The following AGMO variants were observed in gnomAD, a reference collection of about 807,000 sequenced individuals.
AGMO encodes alkylglycerol monooxygenase.
Under a neutral mutation model 60.2 loss-of-function variants are expected in AGMO, and 75 were observed. The observed-to-expected ratio is 1.25, with a 90% CI of 1.03 to 1.51. The LOEUF (loss-of-function observed/expected upper bound fraction) is 1.51. Ranked by LOEUF, AGMO falls within the 40% of genes most tolerant of loss-of-function variation. The pLI is 0.00. For synonymous variants in AGMO, 261 were observed against 177.1 expected, an observed-to-expected ratio of 1.47 and a Z score of -3.76; for missense variants, 763 against 525.5, an observed-to-expected ratio of 1.45 and a Z score of -4.42.
rs371017324 is a variant in AGMO, at chr7:15,394,516, A to G, written c.610-337T>C. Among the ~76,000 whole-genome samples, 48 of 152,330 alleles carry G rather than the reference A, an allele frequency of 3.2e-4. No homozygotes were observed. In the East Asian group the frequency reaches 6.9e-3, roughly 22 times the overall value. On this transcript the variant is annotated intron_variant, in intron 5 of 12. Transcript: ENST00000342526. ...CAATTTTCTCATCTTTAAAATGGAA[A>G]TAGTAACATATCTACATAATAACGT...
intron 3 of AGMO, among the ~76,000 whole-genome samples, chr7:15,480,379 G>C (rs1220551520): frequency 6.6e-6 from 1 of 152,128 alleles, no homozygotes; most frequent in African/African-American, 2.4e-5. Context: ...TGCAATGAAG[G>C]AGTAAAAATG....
intron 12 of AGMO, among the ~76,000 whole-genome samples, chr7:15,299,861 A>G (rs1192547068): frequency 6.6e-6 from 1 of 150,926 alleles, no homozygotes; most frequent in Non-Finnish European, 1.5e-5. Flanking sequence ...ACACACACAC[A>G]CACACACACA....
At chr7:15,492,970 T>A (rs1435431671) in intron 3 of AGMO, among the ~76,000 whole-genome samples, 1 of 152,152 alleles carries the variant, frequency 6.6e-6, no homozygotes, top group Non-Finnish European at 1.5e-5. Context: ...ACATTCAGAA[T>A]GTTTTACAGG....
chr7:15,459,627 G>GTGTGT (rs1426280458), intron 3 of AGMO, among the ~76,000 whole-genome samples: 9 of 150,202 alleles, frequency 6.0e-5, no homozygotes, highest in Non-Finnish European at 1.0e-4. Context: ...GTGTGTGTAT[G>GTGTGT]GTTGTCAGTC....
chr7:15,415,564 C>A lies in AGMO; in HGVS notation c.609+2994G>T, dbSNP rs183211196. Reference sequence around the variant, plus strand: ...CAAAGAAAAAAAAATATCATTGAATCATTCGGTTCAAATCTTCAATATCAA... The same window carrying A: ...CAAAGAAAAAAAAATATCATTGAATAATTCGGTTCAAATCTTCAATATCAA... On this transcript the variant is annotated intron_variant, in intron 5 of 12. Coordinates refer to ENST00000342526, the MANE Select transcript of AGMO (RefSeq NM_001004320.2). 2.2e-4 allele frequency among the ~76,000 whole-genome samples: 33 copies of A among 151,980 alleles called. No homozygotes were observed. The East Asian group carries it at 5.7e-3, about 26-fold the overall frequency.
Position 15,387,476 on chromosome 7 carries a change from G to T in AGMO, c.887C>A (p.Ser296Tyr). 1 of 1,614,026 alleles carries T rather than the reference G, an allele frequency of 6.2e-7. No individual in the cohort carries two copies. The highest frequency in any genetic ancestry group is 1.3e-5 in the African/African-American group (1 of 75,022). The change falls in exon 9 of 13, where the codon TCT becomes TAT. Residue 296 changes from serine (S) to tyrosine (Y), a missense_variant. Coordinates refer to ENST00000342526, the MANE Select transcript of AGMO (RefSeq NM_001004320.2). The stretch of plus-strand genomic sequence containing the variant: ...CCATCCCGGTCCCTTAAATATGACA[G>T]AAAACTTATTGAAGAATCCAGGTGT... ...WATPGFFNKF[S>Y]VIFKGPGWGP...
chr7:15,159,330 G>A, the AGMO span, among the ~76,000 whole-genome samples: 4 of 152,144 alleles, frequency 2.6e-5, no homozygotes, highest in Admixed American at 2.6e-4. Flanking sequence ...GTTTTAGTCG[G>A]ATAAAAATCT....
chr7:15,396,053 G>C (rs1289322983), intron 5 of AGMO: 1 of 152,214 alleles, frequency 6.6e-6, no homozygotes, highest in African/African-American at 2.4e-5. Context: ...CACCTGAAAA[G>C]AGTTCTTGTC....
chr7:15,286,252 C>A (rs1784094031), intron 12 of AGMO, among the ~76,000 whole-genome samples: 1 of 152,010 alleles, frequency 6.6e-6, no homozygotes, highest in African/African-American at 2.4e-5. Context: ...AGCTTCTGCA[C>A]AGCAAAAGAA....
intron 3 of AGMO, among the ~76,000 whole-genome samples, chr7:15,439,307 T>G (rs1030829449): frequency 9.9e-5 from 15 of 152,206 alleles, no homozygotes; most frequent in South Asian, 4.1e-4. Context: ...TGAGGCAGGA[T>G]AATCGCTTGG....
At chr7:15,334,272 A>G (rs1026298148) in intron 12 of AGMO, among the ~76,000 whole-genome samples, 14 of 150,738 alleles carry the variant, frequency 9.3e-5, no homozygotes, top group African/African-American at 2.5e-4. Context: ...TTTTAACAAC[A>G]TAAAATTATC....
intron 3 of AGMO, among the ~76,000 whole-genome samples, chr7:15,436,340 G>A (rs993421150): frequency 4.6e-5 from 7 of 152,048 alleles, no homozygotes; most frequent in African/African-American, 1.4e-4. Context: ...TCTGTGCTTC[G>A]AAGATGGCAT....
chr7:15,199,942 C>T (rs1403594127), downstream of AGMO, among the ~76,000 whole-genome samples: 1 of 152,150 alleles, frequency 6.6e-6, no homozygotes, highest in African/African-American at 2.4e-5. Context: ...CCTCAGTTCA[C>T]ATAGACACCT....
chr7:15,322,307 C>T (rs1446465584), intron 12 of AGMO, among the ~76,000 whole-genome samples: 1 of 146,828 alleles, frequency 6.8e-6, no homozygotes, highest in African/African-American at 2.5e-5. Flanking sequence ...ACTAAGTAAA[C>T]TTTATAGAAA....
intron 3 of AGMO, among the ~76,000 whole-genome samples, chr7:15,501,293 A>G (rs2128525346): frequency 6.6e-6 from 1 of 152,092 alleles, no homozygotes. Context: ...GGCAATTAAA[A>G]AGTAAAATTT....
At chr7:15,197,500 C>G (rs2115458967), downstream of AGMO, among the ~76,000 whole-genome samples, 1 of 152,242 alleles carries the variant, frequency 6.6e-6, no homozygotes, top group Middle Eastern at 3.4e-3. Flanking sequence ...TGCTAAATAT[C>G]AGGACTCTGA....
rs1477124819 is a variant in AGMO, at chr7:15,387,960, T to C, written c.823-420A>G. On this transcript the variant is annotated intron_variant, in intron 8 of 12. Coordinates refer to ENST00000342526, the MANE Select transcript of AGMO (RefSeq NM_001004320.2). ...TCTCGCTCTGTTGCCCAGGCTGGAG[T>C]GCAGTGGAGCGGCTTTGGCTCACTA... Among the ~76,000 whole-genome samples, 4 of 128,948 alleles carry C rather than the reference T, an allele frequency of 3.1e-5. No individual in the cohort carries two copies. In the East Asian group the frequency reaches 8.0e-4, roughly 26 times the overall value. 84.6% of individuals were successfully genotyped at this position (128,948 alleles called of 152,430 possible).
chr7:15,222,396 T>C (rs769750621), intron 12 of AGMO, among the ~76,000 whole-genome samples: 5 of 151,966 alleles, frequency 3.3e-5, no homozygotes, highest in Non-Finnish European at 7.4e-5. Flanking sequence ...ATTTTGAAAA[T>C]AAAACTGATA....
At chr7:15,407,232 C>CATGTATATATATATATAT (rs1784728703) in intron 5 of AGMO, among the ~76,000 whole-genome samples, 1 of 132,164 alleles carries the variant, frequency 7.6e-6, no homozygotes, top group Non-Finnish European at 1.6e-5. Context: ...CTTTGGAATA[C>CATGTATATATATATATAT]ATATATATAT....
Sources: allele counts gnomAD v4.1 joint callset (sites outside exome capture counted in the v4.1 genomes callset), GRCh38; gene constraint gnomAD v4.1.1; transcripts MANE v1.5; gene names NCBI Gene and HGNC (gene_info 2026-07-23, HGNC 2026-07-21).